Variants in RERE observed in about 807,000 individuals in gnomAD.
The protein encoded by RERE is arginine-glutamic acid dipeptide repeats.
RERE carries 40 observed loss-of-function variants against 146.1 expected under a neutral mutation model. That is an observed-to-expected ratio of 0.27 (90% confidence interval 0.21 to 0.36). The LOEUF (loss-of-function observed/expected upper bound fraction) is 0.36, where lower values mean the gene tolerates loss of function less well. Ranked by LOEUF, RERE falls within the 10% of genes least tolerant of loss-of-function variation. The pLI, the probability that RERE is intolerant of heterozygous loss-of-function variation, is 1.00. For missense variants in RERE, 1,933 were observed against 2,138.7 expected (o/e 0.90, Z 1.90); for synonymous variants, 1,003 against 866.0 (o/e 1.16, Z -2.78).
intron 1 of RERE, among the ~76,000 whole-genome samples, chr1:8,703,396 AT>A (rs1272493483): frequency 3.3e-5 from 5 of 151,526 alleles, no homozygotes; most frequent in Non-Finnish European, 1.5e-5. Context: ...GCACTGCCAC[AT>A]GCCGGTGACC....
Position 8,361,326 on chromosome 1 carries a change from C to A in RERE, c.2181G>T (p.Ser727=), listed in dbSNP as rs772637354. The A allele has an allele frequency of 6.2e-7, 1 of 1,612,218 alleles. No individual in the cohort carries two copies. Among genetic ancestry groups the A allele is most frequent in the Non-Finnish European group, 8.5e-7 (1 of 1,179,084 alleles). ...CCTGCAGCATCTGCTGCTGGGCTGACGAGTCCGAGTCACTCTCATTGTCCT... is the reference window on the plus strand; with the variant it reads ...CCTGCAGCATCTGCTGCTGGGCTGAAGAGTCCGAGTCACTCTCATTGTCCT... ...SPQDNESDSD[S]SAQQQMLQAQ... is the part of the protein sequence containing the mutation. Residue 727 remains serine, a synonymous_variant, in exon 18 of 23, where the codon TCG becomes TCT. Transcript: ENST00000400908.
chr1:8,445,737 T>G (rs535535148), intron 11 of RERE, among the ~76,000 whole-genome samples: 2 of 152,008 alleles, frequency 1.3e-5, no homozygotes, highest in Non-Finnish European at 2.9e-5. Context: ...GTTTGTTACA[T>G]AGTTTACACG....
chr1:8,494,211 G>A (rs762265429), intron 10 of RERE, among the ~76,000 whole-genome samples: 24 of 152,216 alleles, frequency 1.6e-4, no homozygotes, highest in Non-Finnish European at 2.5e-4. Context: ...TTATAGTCAT[G>A]TAAAATATTA....
At chr1:8,390,178 T>C (rs1210884956) in intron 12 of RERE, among the ~76,000 whole-genome samples, 1 of 152,080 alleles carries the variant, frequency 6.6e-6, no homozygotes, top group Non-Finnish European at 1.5e-5. Context: ...CCACGCCACA[T>C]CTGAACCCAG....
chr1:8,465,995 T>C lies in RERE; in HGVS notation c.1133A>G (p.Lys378Arg), dbSNP rs1056497395. The C allele has an allele frequency of 2.5e-6, 4 of 1,612,210 alleles. No individual in the cohort carries two copies. The highest frequency in any genetic ancestry group is 3.4e-6 in the Non-Finnish European group (4 of 1,178,462). ...TLHESGYDAG[K>R]ALQRLVKKPV... The stretch of plus-strand genomic sequence containing the variant: ...CTTCTTCACCAGGCGCTGCAGGGCT[T>C]TGCCAGCATCGTAACCGCTTTCATG... The change falls in exon 11 of 23, where the codon AAA becomes AGA. Residue 378 changes from lysine (K) to arginine (R), a missense_variant. By Grantham distance (26) the Lys-to-Arg change is conservative. Around this residue, in one of 11 missense-constraint regions of RERE, gnomAD observed 260 missense variants for 378.4 expected, o/e 0.69. Transcript: ENST00000400908.
chr1:8,547,001 A>G (rs1389451914), intron 6 of RERE, among the ~76,000 whole-genome samples: 1 of 152,058 alleles, frequency 6.6e-6, no homozygotes, highest in Non-Finnish European at 1.5e-5. Flanking sequence ...ATGTTCTTAG[A>G]TAGGAAAACT....
At chr1:8,630,139 C>T (rs180752238) in intron 2 of RERE, among the ~76,000 whole-genome samples, 7 of 152,076 alleles carry the variant, frequency 4.6e-5, no homozygotes. Flanking sequence ...AACAGATGTC[C>T]TCCATTTTCC....
intron 1 of RERE, among the ~76,000 whole-genome samples, chr1:8,775,223 T>C (rs1166730514): frequency 2.0e-5 from 3 of 152,024 alleles, no homozygotes; most frequent in African/African-American, 4.8e-5. Flanking sequence ...CCTCCCAAAG[T>C]GCTGGGATTA....
intron 8 of RERE, among the ~76,000 whole-genome samples, chr1:8,507,102 T>G (rs924365206): frequency 2.0e-5 from 3 of 152,102 alleles, no homozygotes; most frequent in Admixed American, 1.3e-4. Context: ...GCATCCTAAC[T>G]GATACTGAGA....
intron 12 of RERE, among the ~76,000 whole-genome samples, chr1:8,415,214 C>T (rs2124462397): frequency 6.6e-6 from 1 of 152,272 alleles, no homozygotes; most frequent in South Asian, 2.1e-4. Flanking sequence ...TGACTGTTAA[C>T]CACAGCAACC....
At position 8,788,585 on chromosome 1, in the gene RERE, G is replaced by A. The variant is rs548538010; in HGVS notation, c.-145+28575C>T. ...TCACCATGTTGGCCAGGCTGGTCTCGAACTCCTGACCTCATTATCTACCTG... is the reference window on the plus strand; with the variant it reads ...TCACCATGTTGGCCAGGCTGGTCTCAAACTCCTGACCTCATTATCTACCTG... On this transcript the variant is annotated intron_variant, in intron 1 of 22. Coordinates refer to ENST00000400908, the MANE Select transcript of RERE (RefSeq NM_001042681.2). Among the ~76,000 whole-genome samples, 205 of 151,138 alleles carry A rather than the reference G, an allele frequency of 1.4e-3. 1 individual carries two copies. The highest frequency in any genetic ancestry group is 2.4e-3 in the Non-Finnish European group (165 of 67,918).
intron 4 of RERE, among the ~76,000 whole-genome samples, chr1:8,576,767 A>G (rs1316886882): frequency 6.6e-6 from 1 of 152,268 alleles, no homozygotes; most frequent in Non-Finnish European, 1.5e-5. Context: ...TATGTTTTAC[A>G]GAAACATAAG....
At chr1:8,543,441 T>C (rs991736820) in intron 6 of RERE, among the ~76,000 whole-genome samples, 1 of 152,252 alleles carries the variant, frequency 6.6e-6, no homozygotes, top group East Asian at 1.9e-4. Context: ...TAAAGTAAGT[T>C]ATTCCTATTA....
At chr1:8,586,775 C>G (rs1328229767) in intron 4 of RERE, among the ~76,000 whole-genome samples, 1 of 132,556 alleles carries the variant, frequency 7.5e-6, no homozygotes, top group Non-Finnish European at 1.6e-5. Flanking sequence ...GCATCCAAAC[C>G]AAAAGAACTA....
intron 1 of RERE, among the ~76,000 whole-genome samples, chr1:8,680,999 G>A (rs190091778): frequency 3.9e-5 from 6 of 152,276 alleles, no homozygotes; most frequent in African/African-American, 1.4e-4. Context: ...ATTTCCAATG[G>A]CTCAACCACC....
intron 6 of RERE, 139 bp downstream of exon 6, chr1:8,556,336 G>A (rs943840796): frequency 5.5e-5 from 31 of 563,682 alleles, no homozygotes; most frequent in African/African-American, 2.4e-4. Flanking sequence ...AATCCAGAGC[G>A]GACACTGGCA....
At chr1:8,717,791 G>T (rs774327462) in intron 1 of RERE, among the ~76,000 whole-genome samples, 2 of 152,194 alleles carry the variant, frequency 1.3e-5, no homozygotes, top group Non-Finnish European at 2.9e-5. Context: ...AGCATTAAAA[G>T]TGATCAAAAG....
In RERE at chr1:8,453,698, G is replaced by T. The variant is rs575608617; in HGVS notation, c.1203+12227C>A. ...ACACACACCTGTAGTCCCAGCTACT[G>T]GGGAGGCTGAAGTGGGAGGATCACT... On this transcript the variant is annotated intron_variant, in intron 11 of 22. Coordinates refer to ENST00000400908, the MANE Select transcript of RERE (RefSeq NM_001042681.2). Among the ~76,000 whole-genome samples the T allele has an allele frequency of 1.1e-4, 16 of 152,246 alleles. No individual in the cohort carries two copies. In the East Asian group the frequency reaches 3.1e-3, roughly 29 times the overall value.
intron 12 of RERE, 51 bp downstream of exon 12, chr1:8,422,676 G>T: frequency 7.7e-7 from 1 of 1,306,660 alleles, no homozygotes; most frequent in Non-Finnish European, 1.1e-6. Flanking sequence ...TGGAGAGGCA[G>T]CAGGAGCAAA....
Sources: gnomAD v4.1 joint callset for allele counts (sites outside exome capture counted in the v4.1 genomes callset) on GRCh38, gnomAD v4.1.1 for gene constraint, gnomAD v4.1.1 regional missense constraint, MANE v1.5 for transcripts, NCBI Gene and HGNC (gene_info 2026-07-23, HGNC 2026-07-21) for gene names.